Variants in DYM observed in about 807,000 individuals in gnomAD.
DYM encodes the protein dyggve-Melchior-Clausen syndrome protein.
In DYM, 78 loss-of-function variants were observed where a neutral mutation model predicts 93.1. That is an observed-to-expected ratio of 0.84 (90% CI 0.70 to 1.01). DYM has a LOEUF of 1.01. DYM is among the 50% of genes least tolerant of loss of function. The pLI, the probability that DYM is intolerant of heterozygous loss-of-function variation, is 0.00. For synonymous variants in DYM, 321 were observed against 319.7 expected, an observed-to-expected ratio of 1.00 and a Z score of -0.04; for missense variants, 789 against 845.0, an observed-to-expected ratio of 0.93 and a Z score of 0.82.
chr18:49,149,684 C>G (rs2085583557), intron 15 of DYM, among the ~76,000 whole-genome samples: 1 of 144,944 alleles, frequency 6.9e-6, no homozygotes, highest in African/African-American at 2.5e-5. Flanking sequence ...TAAGAAATTT[C>G]AAGCACCATT....
At chr18:49,289,671 A>G (rs1337035793) in intron 8 of DYM, among the ~76,000 whole-genome samples, 7 of 145,822 alleles carry the variant, frequency 4.8e-5, no homozygotes, top group African/African-American at 1.8e-4. Flanking sequence ...TGACTGTGCC[A>G]CTGCACTCCA....
chr18:49,255,167 T>C (rs984485230), intron 13 of DYM, among the ~76,000 whole-genome samples: 1 of 152,236 alleles, frequency 6.6e-6, no homozygotes, highest in African/African-American at 2.4e-5. Flanking sequence ...GGTCAATCAA[T>C]GGCTAACCAA....
At chr18:49,333,593 G>C in intron 7 of DYM, 135 bp downstream of exon 7, 1 of 967,970 alleles carries the variant, frequency 1.0e-6, no homozygotes, top group Non-Finnish European at 1.6e-6. Context: ...CTATGCACTG[G>C]GTTTAAAGAG....
Position 49,205,666 on chromosome 18 carries a change from T to G in DYM, c.1625+3885A>C, listed in dbSNP as rs114121187. Among the ~76,000 whole-genome samples, 1,035 of 152,228 alleles carry G rather than the reference T, an allele frequency of 6.8e-3. 10 individuals carry two copies. Among genetic ancestry groups the G allele is most frequent in the African/African-American group, 0.024 (1,000 of 41,530 alleles). ...GTTTAAGTGGCCAAGGTATTTAAGCTGAAGAGAACAAAAATTAAGGGGAGT... is the reference window on the plus strand; with the variant it reads ...GTTTAAGTGGCCAAGGTATTTAAGCGGAAGAGAACAAAAATTAAGGGGAGT... On this transcript the variant is annotated intron_variant, in intron 14 of 17. Coordinates refer to ENST00000675505, the MANE Select transcript of DYM (RefSeq NM_001353214.3).
At chr18:49,256,513 TA>T (rs1302425775) in intron 13 of DYM, among the ~76,000 whole-genome samples, 2 of 152,200 alleles carry the variant, frequency 1.3e-5, no homozygotes, top group Admixed American at 1.3e-4. Flanking sequence ...AATTTTAGCC[TA>T]GTGAGACCCA....
In DYM at chr18:49,038,407, G is replaced by A. The variant is rs536988515; in HGVS notation, c.*5648C>T. Among the ~76,000 whole-genome samples the A allele has an allele frequency of 6.6e-6, 1 of 152,112 alleles. No homozygotes were observed. The highest frequency in any genetic ancestry group is 2.1e-4 in the South Asian group (1 of 4,814). On this transcript the variant is annotated 3_prime_UTR_variant, in exon 18 of 18. Transcript: ENST00000675505. Reference sequence around the variant, plus strand: ...CATATAAATTTAGATTATCTTTCTAGTAATTGAATTGACCCTTTTATTTCT... The same window carrying A: ...CATATAAATTTAGATTATCTTTCTAATAATTGAATTGACCCTTTTATTTCT...
intron 14 of DYM, among the ~76,000 whole-genome samples, chr18:49,183,084 AT>A (rs914257403): frequency 1.3e-4 from 20 of 152,038 alleles, no homozygotes; most frequent in East Asian, 5.8e-4. Flanking sequence ...GTGATTGCAC[AT>A]TTTTTTTCCA....
Position 49,391,606 on chromosome 18 carries a change from G to A in DYM, c.180C>T (p.Val60=). Residue 60 remains valine (V), a synonymous_variant, in exon 3 of 18, where the codon GTC becomes GTT. Transcript: ENST00000675505. ...LKLLEEATIS[V]CRSLVENNPR... is the part of the protein sequence containing the mutation. ...TTTCCCACTTACCTAATGACCTGCA[G>A]ACTGAAATGGTTGCTTCCTCCAAGA... 1 of 1,613,512 alleles carries A rather than the reference G, an allele frequency of 6.2e-7. No individual in the cohort carries two copies. Among genetic ancestry groups the A allele is most frequent in the Non-Finnish European group, 8.5e-7 (1 of 1,179,642 alleles).
intron 8 of DYM, among the ~76,000 whole-genome samples, chr18:49,288,429 C>G (rs1237043846): frequency 6.6e-6 from 1 of 152,084 alleles, no homozygotes; most frequent in Non-Finnish European, 1.5e-5. Flanking sequence ...CATATGAGAT[C>G]TGAATTAATG....
intron 8 of DYM, among the ~76,000 whole-genome samples, chr18:49,324,553 A>G (rs997510276): frequency 1.3e-5 from 2 of 152,252 alleles, no homozygotes; most frequent in African/African-American, 4.8e-5. Flanking sequence ...ACCACATAAA[A>G]TGAAAAGCCA....
rs567052826 is a variant in DYM, at chr18:49,414,161, T to C, written c.140+16094A>G. ...AGTAAAAATAGAGGTGACCAGAAAC[T>C]GGAGGGAGAGGATGGGAAGTTATTG... On this transcript the variant is annotated intron_variant, in intron 2 of 17. Transcript: ENST00000675505. Among the ~76,000 whole-genome samples, 27 of 152,018 alleles carry C rather than the reference T, an allele frequency of 1.8e-4. No individual in the cohort carries two copies. In the South Asian group the frequency reaches 5.4e-3, roughly 30 times the overall value.
chr18:49,160,935 C>T (rs1255051400), intron 15 of DYM, among the ~76,000 whole-genome samples: 1 of 152,114 alleles, frequency 6.6e-6, no homozygotes, highest in Non-Finnish European at 1.5e-5. Flanking sequence ...CCTTTCAGGT[C>T]TCTATCAGGA....
chr18:49,449,057 AAAT>A (rs2082322291), intron 1 of DYM, among the ~76,000 whole-genome samples: 1 of 152,036 alleles, frequency 6.6e-6, no homozygotes, highest in East Asian at 1.9e-4. Flanking sequence ...ACCATCTCCA[AAAT>A]TTCCCACTCC....
At chr18:49,183,077 A>G (rs1473737715) in intron 14 of DYM, among the ~76,000 whole-genome samples, 1 of 152,174 alleles carries the variant, frequency 6.6e-6, no homozygotes, top group African/African-American at 2.4e-5. Flanking sequence ...TGAAGTGGTG[A>G]TTGCACATTT....
At chr18:49,111,539 A>G (rs1206809467) in intron 16 of DYM, among the ~76,000 whole-genome samples, 5 of 152,194 alleles carry the variant, frequency 3.3e-5, no homozygotes, top group African/African-American at 1.2e-4. Flanking sequence ...TTGGAGGTTG[A>G]GCTGATTCAC....
chr18:49,146,458 C>A (rs1289476542), intron 15 of DYM, among the ~76,000 whole-genome samples: 1 of 152,192 alleles, frequency 6.6e-6, no homozygotes, highest in Non-Finnish European at 1.5e-5. Flanking sequence ...ATTGTCTCAG[C>A]ACAAAATCTC....
At chr18:49,181,142 G>C (rs1468280734) in intron 14 of DYM, among the ~76,000 whole-genome samples, 2 of 152,086 alleles carry the variant, frequency 1.3e-5, no homozygotes, top group Non-Finnish European at 2.9e-5. Context: ...CTAGAGTCAA[G>C]GTCGTGTTGG....
intron 14 of DYM, among the ~76,000 whole-genome samples, chr18:49,168,139 A>G (rs1204867689): frequency 6.6e-6 from 1 of 152,182 alleles, no homozygotes; most frequent in Non-Finnish European, 1.5e-5. Flanking sequence ...TATGGAAATG[A>G]TAAATCCTAC....
chr18:49,202,167 G>A (rs2092046202), intron 14 of DYM, among the ~76,000 whole-genome samples: 1 of 152,210 alleles, frequency 6.6e-6, no homozygotes, highest in South Asian at 2.1e-4. Context: ...GATGTGTGAT[G>A]CCCTTAAAAT....
Sources: gnomAD v4.1 joint callset for allele counts (sites outside exome capture counted in the v4.1 genomes callset) on GRCh38, gnomAD v4.1.1 for gene constraint, MANE v1.5 for transcripts, NCBI Gene and HGNC (gene_info 2026-07-23, HGNC 2026-07-21) for gene names.